The following AMOTL1 variants were observed in gnomAD, a reference collection of about 807,000 sequenced individuals.
The protein encoded by AMOTL1 is angiomotin like 1, also known as angiomotin-like protein 1.
In AMOTL1, 45 loss-of-function variants were observed where a neutral mutation model predicts 102.9. That is an observed-to-expected ratio of 0.44 (90% confidence interval 0.34 to 0.56). AMOTL1 has a LOEUF of 0.56. AMOTL1 is among the 20% of genes least tolerant of loss of function. The probability of loss-of-function intolerance (pLI) is 0.01; values close to 1 mark genes in which losing one functional copy is unlikely to be tolerated. For missense variants in AMOTL1, 1,114 were observed against 1,225.6 expected (o/e 0.91, Z 1.36); for synonymous variants, 481 against 484.7 (o/e 0.99, Z 0.10).
chr11:94,756,216 T>TA (rs1950723643), intron 3 of AMOTL1, among the ~76,000 whole-genome samples: 1 of 152,148 alleles, frequency 6.6e-6, no homozygotes, highest in Non-Finnish European at 1.5e-5. Context: ...CTCGGGTTTT[T>TA]ATGGGCACAG....
rs117827870 is a variant in AMOTL1 at position 94,812,009 on chromosome 11, A to G, written c.1122-9521A>G. On this transcript the variant is annotated intron_variant, in intron 3 of 12. Coordinates refer to ENST00000433060, the MANE Select transcript of AMOTL1 (RefSeq NM_130847.3). ...GTTGGAAGAAAGCAAAACTCCAGAA[A>G]AGGAGCTGTACAGCAAAATAAACTT... Among the ~76,000 whole-genome samples the G allele has an allele frequency of 3.2e-3, 490 of 152,344 alleles. 19 individuals are homozygous for G. The East Asian group carries it at 0.078, about 24-fold the overall frequency.
At chr11:94,725,938 T>C (rs1950250259) in intron 1 of AMOTL1, among the ~76,000 whole-genome samples, 1 of 152,098 alleles carries the variant, frequency 6.6e-6, no homozygotes, top group Admixed American at 6.5e-5. Flanking sequence ...ACCTAAATTG[T>C]GGAGAATGGG....
chr11:94,778,880 T>C (rs1360045992), intron 1 of AMOTL1, among the ~76,000 whole-genome samples: 5 of 152,168 alleles, frequency 3.3e-5, no homozygotes, highest in African/African-American at 1.2e-4. Context: ...TTGGCTTCCT[T>C]ATAGGATCGG....
At position 94,870,940 on chromosome 11, in the gene AMOTL1, T is replaced by G. The variant is rs1952984223; in HGVS notation, c.*145T>G. On this transcript the variant is annotated 3_prime_UTR_variant, in exon 13 of 13. Transcript: ENST00000433060. The stretch of plus-strand genomic sequence containing the variant: ...TTCAGACTCATAAGAACACATTTTA[T>G]AAATGTTAAACACAAAAACTACATG... 1.7e-6 allele frequency: 1 copy of G among 601,450 alleles called. No individual in the cohort carries two copies. Among genetic ancestry groups the G allele is most frequent in the Non-Finnish European group, 2.7e-6 (1 of 365,518 alleles). 37.3% of individuals were successfully genotyped at this position (601,450 alleles called of 1,614,324 possible). A position where few individuals can be genotyped will look rare whatever the true frequency, so the allele number is the denominator to read the frequency against.
At chr11:94,720,390 G>A (rs541298291) in intron 1 of AMOTL1, among the ~76,000 whole-genome samples, 79 of 152,130 alleles carry the variant, frequency 5.2e-4, no homozygotes, top group Non-Finnish European at 9.7e-4. Flanking sequence ...GCTGGTACCG[G>A]AAGGTTCTAC....
At chr11:94,713,531 G>A (rs918957359) in intron 1 of AMOTL1, among the ~76,000 whole-genome samples, 1 of 151,572 alleles carries the variant, frequency 6.6e-6, no homozygotes, top group Non-Finnish European at 1.5e-5. Context: ...CTGCACTTAT[G>A]TGAGTCTTCT....
At chr11:94,838,908 TGG>T (rs375198177) in intron 6 of AMOTL1, among the ~76,000 whole-genome samples, 33,887 of 152,024 alleles carry the variant, frequency 0.22, 4,410 homozygotes, top group Admixed American at 0.42. Context: ...ACTAGCCCTG[TGG>T]TTATCCATGA....
chr11:94,860,360 A>G (rs1053280118), intron 9 of AMOTL1, among the ~76,000 whole-genome samples: 4 of 152,186 alleles, frequency 2.6e-5, no homozygotes, highest in African/African-American at 9.7e-5. Context: ...ATTTAGTTTG[A>G]AATTCTTTTC....
At chr11:94,814,410 T>C (rs1437640433) in intron 3 of AMOTL1, among the ~76,000 whole-genome samples, 1 of 152,190 alleles carries the variant, frequency 6.6e-6, no homozygotes, top group Non-Finnish European at 1.5e-5. Context: ...CGATGGACAA[T>C]GTGCAGGCAG....
intron 2 of AMOTL1, among the ~76,000 whole-genome samples, chr11:94,732,138 A>G (rs972308844): frequency 1.3e-5 from 2 of 152,064 alleles, no homozygotes; most frequent in Non-Finnish European, 2.9e-5. Flanking sequence ...GAGGCTCAAT[A>G]TGGGCTGGTG....
chr11:94,794,372 GTCACAT>G (rs1951330580), intron 1 of AMOTL1, among the ~76,000 whole-genome samples: 2 of 152,188 alleles, frequency 1.3e-5, no homozygotes. Context: ...TGAACACAGT[GTCACAT>G]TTAATTGGAA....
At chr11:94,828,483 C>T (rs1952009826) in intron 4 of AMOTL1, among the ~76,000 whole-genome samples, 1 of 152,100 alleles carries the variant, frequency 6.6e-6, no homozygotes, top group African/African-American at 2.4e-5. Flanking sequence ...CAGTATCTCT[C>T]ACCCCCACTA....
chr11:94,804,289 A>T (rs1262509324), intron 3 of AMOTL1, among the ~76,000 whole-genome samples: 1 of 152,168 alleles, frequency 6.6e-6, no homozygotes, highest in African/African-American at 2.4e-5. Flanking sequence ...TTTAATAGGC[A>T]AATAGTGTTT....
rs530647270 is a variant in AMOTL1 at position 94,742,265 on chromosome 11, G to A, written c.136+1277G>A. Among the ~76,000 whole-genome samples the A allele has an allele frequency of 1.1e-4, 17 of 152,336 alleles. 1 individual carries two copies. In the South Asian group the frequency reaches 2.7e-3, roughly 24 times the overall value. On this transcript the variant is annotated intron_variant, in intron 3 of 4. Coordinates refer to the AMOTL1 transcript ENST00000299004. ...TGACATCTAAACCATAGCTTTTCAT[G>A]ATGTGATTTATTAAGAGGACAGGTA...
At chr11:94,794,007 C>A (rs1327675629) in intron 1 of AMOTL1, among the ~76,000 whole-genome samples, 1 of 152,154 alleles carries the variant, frequency 6.6e-6, no homozygotes, top group Non-Finnish European at 1.5e-5. Context: ...CGTTTGGTAT[C>A]AATAATTAGT....
chr11:94,768,361 G>T lies in AMOTL1; in HGVS notation c.-151G>T. 1.4e-6 allele frequency: 2 copies of T among 1,386,754 alleles called. No individual in the cohort carries two copies. Among genetic ancestry groups the T allele is most frequent in the Non-Finnish European group, 1.9e-6 (2 of 1,072,088 alleles). The allele number at this position is 1,386,754 out of a possible 1,614,324, so 85.9% of individuals were successfully genotyped here. A position where few individuals can be genotyped will look rare whatever the true frequency, so the allele number is the denominator to read the frequency against. ...GGAGCGCGGACGGCGGCGGGAGCGC[G>T]CGAGAAGCTCTAGGACCCAGCAGCG... On this transcript the variant is annotated 5_prime_UTR_variant, in exon 1 of 13. Coordinates refer to ENST00000433060, the MANE Select transcript of AMOTL1 (RefSeq NM_130847.3).
chr11:94,776,993 G>A (rs1951034026), intron 1 of AMOTL1, among the ~76,000 whole-genome samples: 1 of 152,184 alleles, frequency 6.6e-6, no homozygotes, highest in Non-Finnish European at 1.5e-5. Context: ...GAAATTACTG[G>A]ATGCAGCACT....
chr11:94,856,863 C>T (rs1209266716), intron 8 of AMOTL1, among the ~76,000 whole-genome samples: 1 of 152,208 alleles, frequency 6.6e-6, no homozygotes, highest in African/African-American at 2.4e-5. Context: ...GAATCAACAG[C>T]CCAGACAAGG....
At chr11:94,784,269 C>T (rs1483880181) in intron 1 of AMOTL1, among the ~76,000 whole-genome samples, 2 of 152,144 alleles carry the variant, frequency 1.3e-5, no homozygotes, top group Non-Finnish European at 2.9e-5. Flanking sequence ...GATTATCCCC[C>T]CATTCTTAGC....
Sources: allele counts gnomAD v4.1 joint callset (sites outside exome capture counted in the v4.1 genomes callset), GRCh38; gene constraint gnomAD v4.1.1; transcripts MANE v1.5; gene names NCBI Gene and HGNC (gene_info 2026-07-23, HGNC 2026-07-21).